The following ITGB5 variants were observed in gnomAD, a reference collection of about 807,000 sequenced individuals.
ITGB5 encodes integrin beta-5.
ITGB5 carries 38 observed loss-of-function variants against 84.8 expected under a neutral mutation model. The observed-to-expected ratio is 0.45, with a 90% confidence interval of 0.35 to 0.59. The LOEUF (loss-of-function observed/expected upper bound fraction) is 0.59, where lower values mean the gene tolerates loss of function less well. ITGB5 is among the 20% of genes least tolerant of loss of function. The pLI, the probability that ITGB5 is intolerant of heterozygous loss-of-function variation, is 0.01. For synonymous variants in ITGB5, 393 were observed against 414.4 expected (o/e 0.95, Z 0.63); for missense variants, 905 against 1,034.5 (o/e 0.87, Z 1.72).
chr3:124,889,888 T>A (rs944782871), upstream of ITGB5, among the ~76,000 whole-genome samples: 5 of 152,146 alleles, frequency 3.3e-5, no homozygotes, highest in Admixed American at 3.3e-4. Context: ...GGTGGGTGCC[T>A]GTAATCCCAG....
chr3:124,887,927 T>C (rs1216813069), upstream of ITGB5: 1 of 247,658 alleles, frequency 4.0e-6, no homozygotes, highest in South Asian at 3.9e-5. Flanking sequence ...TTTCTTTTTT[T>C]TTTTTTTTTG....
Position 124,880,260 on chromosome 3 carries a change from G to A in ITGB5, c.70+6671C>T, listed in dbSNP as rs563701280. 7.2e-5 allele frequency among the ~76,000 whole-genome samples: 11 copies of A among 152,226 alleles called. No homozygotes were observed. The South Asian group carries it at 2.1e-3, about 29-fold the overall frequency. On this transcript the variant is annotated intron_variant, in intron 1 of 14. Transcript: ENST00000296181. ...ATCCTAGAACAGAAAAAGGACTTAGGTAAACACTAAAGAAATCTAAACTGA... is the reference window on the plus strand; with the variant it reads ...ATCCTAGAACAGAAAAAGGACTTAGATAAACACTAAAGAAATCTAAACTGA...
At chr3:124,854,148 G>A (rs1288456357) in intron 3 of ITGB5, among the ~76,000 whole-genome samples, 1 of 152,100 alleles carries the variant, frequency 6.6e-6, no homozygotes, top group Non-Finnish European at 1.5e-5. Flanking sequence ...ACAAAATCCT[G>A]CTTGAAGCTT....
At chr3:124,787,640 C>T (rs944324355) in intron 10 of ITGB5, 1 of 152,200 alleles carries the variant, frequency 6.6e-6, no homozygotes, top group South Asian at 2.1e-4. Flanking sequence ...CTGCCTAACA[C>T]AAAATGACCT....
chr3:124,823,924 C>T (rs1257973570), intron 5 of ITGB5, among the ~76,000 whole-genome samples: 1 of 151,990 alleles, frequency 6.6e-6, no homozygotes, highest in Non-Finnish European at 1.5e-5. Flanking sequence ...GTATTAAGAA[C>T]CTTAAGGAAA....
chr3:124,879,523 C>T (rs961522941), intron 1 of ITGB5, among the ~76,000 whole-genome samples: 4 of 152,190 alleles, frequency 2.6e-5, no homozygotes, highest in African/African-American at 9.7e-5. Flanking sequence ...TGCAAATATG[C>T]CCTAGGAAGG....
intron 1 of ITGB5, among the ~76,000 whole-genome samples, chr3:124,876,205 G>C (rs957895142): frequency 6.6e-5 from 10 of 151,904 alleles, no homozygotes; most frequent in African/African-American, 2.2e-4. Flanking sequence ...TGAATTAGCT[G>C]GATGGTAGTA....
At chr3:124,817,447 C>T (rs375236411) in intron 8 of ITGB5, among the ~76,000 whole-genome samples, 174 bp downstream of exon 8, 1 of 152,146 alleles carries the variant, frequency 6.6e-6, no homozygotes, top group South Asian at 2.1e-4. Context: ...GGATGGGTTT[C>T]TCCACCCTGA....
chr3:124,886,031 C>T (rs1170406235), intron 1 of ITGB5, among the ~76,000 whole-genome samples: 1 of 152,194 alleles, frequency 6.6e-6, no homozygotes, highest in Non-Finnish European at 1.5e-5. Flanking sequence ...CAAACAAGTG[C>T]ATCCTTCCTC....
chr3:124,800,302 G>T (rs978580879), intron 9 of ITGB5, among the ~76,000 whole-genome samples: 7 of 152,206 alleles, frequency 4.6e-5, no homozygotes, highest in African/African-American at 1.7e-4. Context: ...AGACTGTGGG[G>T]AGTACACACC....
chr3:124,766,662 A>G (rs1487252863), intron 12 of ITGB5, among the ~76,000 whole-genome samples: 1 of 152,128 alleles, frequency 6.6e-6, no homozygotes, highest in African/African-American at 2.4e-5. Context: ...GGGTGAAGGG[A>G]TTGGCCACGG....
At chr3:124,764,598 C>T (rs749087687) in intron 13 of ITGB5, 41 bp from the exon 14 acceptor site, 1 of 1,569,276 alleles carries the variant, frequency 6.4e-7, no homozygotes. Flanking sequence ...CCACTAGCAT[C>T]ACCATGCCCC....
chr3:124,886,023 A>C (rs571689854), intron 1 of ITGB5, among the ~76,000 whole-genome samples: 1 of 152,304 alleles, frequency 6.6e-6, no homozygotes, highest in South Asian at 2.1e-4. Flanking sequence ...CCGCATCCCA[A>C]ACAAGTGCAT....
intron 5 of ITGB5, among the ~76,000 whole-genome samples, chr3:124,829,141 G>A (rs1009459744): frequency 3.3e-5 from 5 of 152,028 alleles, no homozygotes; most frequent in African/African-American, 1.2e-4. Flanking sequence ...TATATTAATA[G>A]AATTATGGGT....
chr3:124,813,700 T>G (rs893950497), intron 8 of ITGB5, among the ~76,000 whole-genome samples: 2 of 152,186 alleles, frequency 1.3e-5, no homozygotes, highest in Non-Finnish European at 2.9e-5. Context: ...CCCTGTCCTC[T>G]CTGGTGCCAC....
intron 5 of ITGB5, among the ~76,000 whole-genome samples, chr3:124,824,799 T>C (rs745674283): frequency 2.0e-5 from 3 of 152,122 alleles, no homozygotes; most frequent in Non-Finnish European, 4.4e-5. Flanking sequence ...TCAACATCAT[T>C]AGTCATTAAG....
intron 9 of ITGB5, among the ~76,000 whole-genome samples, chr3:124,808,499 A>C (rs1454089350): frequency 6.6e-6 from 1 of 152,206 alleles, no homozygotes; most frequent in African/African-American, 2.4e-5. Flanking sequence ...ACACATCTTC[A>C]CACATCATTT....
rs560860470 is a variant in ITGB5 at position 124,884,249 on chromosome 3, A to G, written c.70+2682T>C. Reference sequence around the variant, plus strand: ...GAAAAAAAAAAAGAATGTTGAAGTTAATTCAGCAACACTGAAAAACTAGGA... The same window carrying G: ...GAAAAAAAAAAAGAATGTTGAAGTTGATTCAGCAACACTGAAAAACTAGGA... On this transcript the variant is annotated intron_variant, in intron 1 of 14. Transcript: ENST00000296181. Among the ~76,000 whole-genome samples the G allele has an allele frequency of 5.3e-5, 8 of 152,260 alleles. No homozygotes were observed. The South Asian group carries it at 1.7e-3, about 32-fold the overall frequency.
chr3:124,888,180 G>T (rs1934911881), upstream of ITGB5, among the ~76,000 whole-genome samples: 1 of 152,044 alleles, frequency 6.6e-6, no homozygotes, highest in South Asian at 2.1e-4. Context: ...GCCTCCTAAA[G>T]TGCTGAGATT....
Sources: allele counts gnomAD v4.1 joint callset (sites outside exome capture counted in the v4.1 genomes callset), GRCh38; gene constraint gnomAD v4.1.1; transcripts MANE v1.5; gene names NCBI Gene and HGNC (gene_info 2026-07-23, HGNC 2026-07-21).